The following GALNTL6 variants were observed in gnomAD, a reference collection of about 807,000 sequenced individuals.
The protein encoded by GALNTL6 is polypeptide N-acetylgalactosaminyltransferase-like 6.
GALNTL6 carries 46 observed loss-of-function variants against 73.7 expected under a neutral mutation model. That is an observed-to-expected ratio of 0.62 (90% CI 0.49 to 0.80). GALNTL6 has a LOEUF of 0.80. Ranked by LOEUF, GALNTL6 falls within the 30% of genes least tolerant of loss-of-function variation. GALNTL6 has a pLI of 0.00. For synonymous variants in GALNTL6, 259 were observed against 263.7 expected (o/e 0.98, Z 0.17); for missense variants, 604 against 755.0 (o/e 0.80, Z 2.34).
intron 5 of GALNTL6, among the ~76,000 whole-genome samples, chr4:172,780,054 G>A (rs1739294804): frequency 6.6e-6 from 1 of 151,478 alleles, no homozygotes; most frequent in Non-Finnish European, 1.5e-5. Flanking sequence ...GACAGCATGA[G>A]CCATTAATCA....
At chr4:172,419,572 T>A (rs1730977301) in intron 5 of GALNTL6, among the ~76,000 whole-genome samples, 1 of 152,182 alleles carries the variant, frequency 6.6e-6, no homozygotes, top group Admixed American at 6.6e-5. Flanking sequence ...CTTAAGCTAC[T>A]GCCCATAAAC....
chr4:172,498,137 C>T (rs562859130), intron 5 of GALNTL6, among the ~76,000 whole-genome samples: 110 of 151,928 alleles, frequency 7.2e-4, no homozygotes, highest in African/African-American at 2.5e-3. Context: ...ACTACAGGCA[C>T]GCACCACCAC....
intron 4 of GALNTL6, among the ~76,000 whole-genome samples, chr4:172,326,236 A>C (rs1160389620): frequency 6.6e-6 from 1 of 151,996 alleles, no homozygotes; most frequent in Non-Finnish European, 1.5e-5. Context: ...AAGAGAAAAA[A>C]CCCTCAAATC....
chr4:172,105,270 A>T (rs1046855304), intron 2 of GALNTL6, among the ~76,000 whole-genome samples: 1 of 152,046 alleles, frequency 6.6e-6, no homozygotes, highest in Non-Finnish European at 1.5e-5. Flanking sequence ...TAACTAATGA[A>T]TTGGAAGACA....
intron 2 of GALNTL6, among the ~76,000 whole-genome samples, chr4:172,189,213 A>G (rs529936236): frequency 3.8e-4 from 58 of 152,332 alleles, no homozygotes; most frequent in African/African-American, 1.3e-3. Context: ...GCAGCACTCC[A>G]CAGATATTCC....
chr4:172,010,248 C>A (rs183825678), intron 2 of GALNTL6, among the ~76,000 whole-genome samples: 3 of 151,936 alleles, frequency 2.0e-5, no homozygotes, highest in Admixed American at 6.6e-5. Context: ...TAAAGCTATG[C>A]GATGAGTACT....
chr4:172,938,284 G>A (rs547871946), intron 9 of GALNTL6, among the ~76,000 whole-genome samples: 2 of 152,272 alleles, frequency 1.3e-5, no homozygotes, highest in South Asian at 2.1e-4. Flanking sequence ...GAGAGGCATA[G>A]AGAAAGGGAG....
rs560668236 is a variant in GALNTL6, at chr4:171,904,374, A to G, written c.138+89656A>G. On this transcript the variant is annotated intron_variant, in intron 2 of 12. Coordinates refer to ENST00000506823, the MANE Select transcript of GALNTL6 (RefSeq NM_001034845.3). ...AGAAGCCTCAGGAGCCGATGCGATC[A>G]ACTGGAAGAAAGGGTATCAGCGATG... Among the ~76,000 whole-genome samples, 164 of 152,340 alleles carry G rather than the reference A, an allele frequency of 1.1e-3. 1 individual carries two copies. The highest frequency in any genetic ancestry group is 6.2e-4 in the Non-Finnish European group (42 of 68,038).
chr4:172,299,085 T>C (rs895140587), intron 3 of GALNTL6, among the ~76,000 whole-genome samples: 1 of 152,232 alleles, frequency 6.6e-6, no homozygotes, highest in Non-Finnish European at 1.5e-5. Context: ...TTCTTCCTGG[T>C]TTAGTCTTGG....
intron 5 of GALNTL6, among the ~76,000 whole-genome samples, chr4:172,528,062 C>T (rs549677427): frequency 3.3e-5 from 5 of 151,640 alleles, no homozygotes; most frequent in Admixed American, 2.0e-4. Context: ...CAGATAGTAA[C>T]TTAATTCTGA....
intron 2 of GALNTL6, among the ~76,000 whole-genome samples, chr4:172,146,552 C>T (rs1366227296): frequency 6.6e-6 from 1 of 152,186 alleles, no homozygotes; most frequent in Non-Finnish European, 1.5e-5. Context: ...TAAATGGCAG[C>T]ATGGTAAATG....
At chr4:172,651,365 A>G (rs1209242170) in intron 5 of GALNTL6, among the ~76,000 whole-genome samples, 1 of 151,028 alleles carries the variant, frequency 6.6e-6, no homozygotes, top group Non-Finnish European at 1.5e-5. Context: ...TATTGCAGTC[A>G]AACAACTTCA....
At chr4:172,574,022 G>A (rs1736865508) in intron 5 of GALNTL6, among the ~76,000 whole-genome samples, 1 of 151,986 alleles carries the variant, frequency 6.6e-6, no homozygotes, top group Non-Finnish European at 1.5e-5. Flanking sequence ...TCACTGTGCA[G>A]AATTTTACAA....
At chr4:171,974,829 T>C (rs147222099) in intron 2 of GALNTL6, among the ~76,000 whole-genome samples, 4 of 152,328 alleles carry the variant, frequency 2.6e-5, no homozygotes, top group East Asian at 1.9e-4. Context: ...TGATCATTCA[T>C]TCATCATTTT....
intron 2 of GALNTL6, among the ~76,000 whole-genome samples, chr4:171,921,415 A>G (rs990658845): frequency 3.3e-5 from 5 of 152,060 alleles, no homozygotes; most frequent in Admixed American, 6.6e-5. Flanking sequence ...GGGTAGATAG[A>G]GGGATGGAAG....
At chr4:172,802,373 T>C (rs1333973495) in intron 5 of GALNTL6, among the ~76,000 whole-genome samples, 1 of 151,966 alleles carries the variant, frequency 6.6e-6, no homozygotes, top group East Asian at 1.9e-4. Flanking sequence ...AATAAAAGAA[T>C]TCTTAACAGG....
At chr4:172,406,858 A>G (rs1185152877) in intron 5 of GALNTL6, among the ~76,000 whole-genome samples, 1 of 151,992 alleles carries the variant, frequency 6.6e-6, no homozygotes. Flanking sequence ...GTTTATTCAT[A>G]GTTTCAATAA....
intron 10 of GALNTL6, among the ~76,000 whole-genome samples, chr4:172,990,059 A>G (rs1327053636): frequency 2.0e-5 from 3 of 152,200 alleles, no homozygotes; most frequent in African/African-American, 7.2e-5. Flanking sequence ...GGACTGTGTA[A>G]ATAAGGTATA....
At chr4:172,578,485 G>GA (rs759728347) in intron 5 of GALNTL6, among the ~76,000 whole-genome samples, 1 of 152,118 alleles carries the variant, frequency 6.6e-6, no homozygotes, top group African/African-American at 2.4e-5. Flanking sequence ...ACACAAAACT[G>GA]AAAAAAATAT....
Sources: gnomAD v4.1 joint callset for allele counts (sites outside exome capture counted in the v4.1 genomes callset) on GRCh38, gnomAD v4.1.1 for gene constraint, MANE v1.5 for transcripts, NCBI Gene and HGNC (gene_info 2026-07-23, HGNC 2026-07-21) for gene names.